The following PRKN variants were observed in gnomAD, a reference collection of about 807,000 sequenced individuals.
PRKN encodes the protein E3 ubiquitin-protein ligase parkin.
A neutral mutation model predicts 59.5 loss-of-function variants in PRKN; 56 were observed. The ratio of observed to expected loss-of-function variants is 0.94; its 90% confidence interval spans 0.76 to 1.18. PRKN has a LOEUF of 1.18. Among genes scored for constraint, PRKN ranks in the 50% most tolerant of loss-of-function variants. The pLI is 0.00. For missense variants in PRKN, 657 were observed against 596.4 expected (o/e 1.10, Z -1.06); for synonymous variants, 250 against 222.1 (o/e 1.13, Z -1.12).
At chr6:162,083,662 T>C (rs1015018560) in intron 4 of PRKN, among the ~76,000 whole-genome samples, 4 of 152,008 alleles carry the variant, frequency 2.6e-5, no homozygotes, top group South Asian at 2.1e-4. Flanking sequence ...ATCATCACCA[T>C]AGAGATTCAA....
intron 7 of PRKN, among the ~76,000 whole-genome samples, chr6:161,641,689 G>A (rs1783745212): frequency 6.6e-6 from 1 of 152,324 alleles, no homozygotes; most frequent in Non-Finnish European, 1.5e-5. Flanking sequence ...CCATTGGGCA[G>A]TATAGGATGA....
chr6:161,977,706 C>T (rs867466958), intron 5 of PRKN, among the ~76,000 whole-genome samples: 18 of 151,974 alleles, frequency 1.2e-4, no homozygotes, highest in Middle Eastern at 3.4e-3. Flanking sequence ...CGCCACCACG[C>T]CCGGCTACTT....
intron 2 of PRKN, among the ~76,000 whole-genome samples, chr6:162,370,962 T>C (rs1404972438): frequency 2.0e-5 from 3 of 152,164 alleles, no homozygotes; most frequent in African/African-American, 7.2e-5. Flanking sequence ...CAAATGGGTG[T>C]TTTCCGTACA....
At chr6:161,765,600 C>T (rs1451277302) in intron 7 of PRKN, among the ~76,000 whole-genome samples, 3 of 151,944 alleles carry the variant, frequency 2.0e-5, no homozygotes, top group African/African-American at 4.8e-5. Flanking sequence ...TGTGTACAAC[C>T]GAGAACAACA....
At chr6:161,674,734 T>C (rs1167568429) in intron 7 of PRKN, among the ~76,000 whole-genome samples, 1 of 152,220 alleles carries the variant, frequency 6.6e-6, no homozygotes, top group Non-Finnish European at 1.5e-5. Flanking sequence ...AGATACATCA[T>C]ATAATCTGTG....
intron 6 of PRKN, among the ~76,000 whole-genome samples, chr6:161,956,743 T>A (rs1780183853): frequency 6.6e-6 from 1 of 152,082 alleles, no homozygotes; most frequent in Non-Finnish European, 1.5e-5. Context: ...AAAACCAGAT[T>A]AGAGTTGAAC....
intron 1 of PRKN, among the ~76,000 whole-genome samples, chr6:162,577,907 C>A (rs913026305): frequency 6.6e-6 from 1 of 151,918 alleles, no homozygotes; most frequent in South Asian, 2.1e-4. Context: ...CCAGCCCAGG[C>A]AATAGAGTGA....
chr6:162,076,527 A>G (rs560090327), intron 4 of PRKN, among the ~76,000 whole-genome samples: 74 of 152,032 alleles, frequency 4.9e-4, no homozygotes, highest in Non-Finnish European at 1.0e-3. Context: ...TCAAAGTCCA[A>G]TCACCTCTAA....
intron 1 of PRKN, among the ~76,000 whole-genome samples, chr6:162,507,928 A>G (rs1793679977): frequency 6.6e-6 from 1 of 152,238 alleles, no homozygotes; most frequent in Non-Finnish European, 1.5e-5. Context: ...GCTTGGGCAG[A>G]GTCCCAGGCA....
Position 162,110,455 on chromosome 6 carries a change from T to A in PRKN, c.535-56281A>T, listed in dbSNP as rs193299510. Among the ~76,000 whole-genome samples, 16 of 152,350 alleles carry A rather than the reference T, an allele frequency of 1.1e-4. No homozygotes were observed. The East Asian group carries it at 3.1e-3, about 29-fold the overall frequency. ...CATATCAAAACTATGTAGGAGCTGA[T>A]TTAAAGGGGTTCATTTTTCTCAAAC... is the stretch of plus-strand genomic sequence containing the variant. On this transcript the variant is annotated intron_variant, in intron 4 of 11. Transcript: ENST00000366898.
At chr6:162,688,224 A>T (rs1290863657) in intron 1 of PRKN, among the ~76,000 whole-genome samples, 2 of 152,242 alleles carry the variant, frequency 1.3e-5, no homozygotes, top group Middle Eastern at 3.2e-3. Flanking sequence ...GATTCCATCT[A>T]TATAACGTTC....
intron 7 of PRKN, among the ~76,000 whole-genome samples, chr6:161,639,935 A>G (rs1370410089): frequency 6.6e-6 from 1 of 152,192 alleles, no homozygotes; most frequent in Non-Finnish European, 1.5e-5. Flanking sequence ...GGCTGCTTCT[A>G]GTAAAATTCT....
At chr6:162,153,736 G>C (rs1174579526) in intron 4 of PRKN, among the ~76,000 whole-genome samples, 4 of 152,110 alleles carry the variant, frequency 2.6e-5, no homozygotes, top group South Asian at 4.1e-4. Flanking sequence ...AAGTCAGGTT[G>C]TCTCTCTTCC....
At chr6:162,462,309 G>C (rs1791214982) in intron 1 of PRKN, among the ~76,000 whole-genome samples, 1 of 152,190 alleles carries the variant, frequency 6.6e-6, no homozygotes. Flanking sequence ...GTTGTTTCAT[G>C]ATTATGAACT....
At chr6:162,038,215 C>G (rs1443815884) in intron 5 of PRKN, among the ~76,000 whole-genome samples, 1 of 151,840 alleles carries the variant, frequency 6.6e-6, no homozygotes, top group Non-Finnish European at 1.5e-5. Flanking sequence ...CAGTTTGGTA[C>G]AAAGTTATTG....
At chr6:161,531,187 C>T (rs1779195174) in intron 9 of PRKN, among the ~76,000 whole-genome samples, 1 of 151,870 alleles carries the variant, frequency 6.6e-6, no homozygotes, top group Non-Finnish European at 1.5e-5. Flanking sequence ...CGAGACCATC[C>T]TGGCTAACAT....
At position 162,213,161 on chromosome 6, in the gene PRKN, A is replaced by G. The variant is rs544812254; in HGVS notation, c.413-11909T>C. On this transcript the variant is annotated intron_variant, in intron 3 of 11. Transcript: ENST00000366898. Reference sequence around the variant, plus strand: ...ATTGGGTTGTTTGGGAAAAGGGAGAATGATGGTTAGAAAGTGGGGTGGTGG... The same window carrying G: ...ATTGGGTTGTTTGGGAAAAGGGAGAGTGATGGTTAGAAAGTGGGGTGGTGG... Among the ~76,000 whole-genome samples the G allele has an allele frequency of 1.4e-4, 22 of 152,298 alleles. No homozygotes were observed. The East Asian group carries it at 4.2e-3, about 29-fold the overall frequency.
intron 9 of PRKN, among the ~76,000 whole-genome samples, chr6:161,437,516 G>T (rs1268890465): frequency 3.3e-5 from 5 of 152,188 alleles, no homozygotes; most frequent in African/African-American, 4.8e-5. Flanking sequence ...GGGGACTCCT[G>T]TATGCGCTTT....
At chr6:161,968,371 T>C (rs1780666518) in intron 6 of PRKN, among the ~76,000 whole-genome samples, 1 of 151,884 alleles carries the variant, frequency 6.6e-6, no homozygotes, top group Non-Finnish European at 1.5e-5. Flanking sequence ...GCCTGGTTTC[T>C]GTTTAGCCCT....
Sources: allele counts gnomAD v4.1 joint callset (sites outside exome capture counted in the v4.1 genomes callset), GRCh38; gene constraint gnomAD v4.1.1; transcripts MANE v1.5; gene names NCBI Gene and HGNC (gene_info 2026-07-23, HGNC 2026-07-21).